Variants in NPAS3 observed in about 807,000 individuals in gnomAD.
NPAS3 encodes the protein neuronal PAS domain-containing protein 3.
NPAS3 carries 14 observed loss-of-function variants against 73.1 expected under a neutral mutation model. That is an observed-to-expected ratio of 0.19 (90% CI 0.13 to 0.30). The LOEUF (loss-of-function observed/expected upper bound fraction) is 0.30, where lower values mean the gene tolerates loss of function less well. Ranked by LOEUF, NPAS3 falls within the 10% of genes least tolerant of loss-of-function variation. NPAS3 has a pLI of 1.00. For missense variants in NPAS3, 1,096 were observed against 1,250.0 expected (o/e 0.88, Z 1.86); for synonymous variants, 620 against 541.5 (o/e 1.14, Z -2.01).
intron 2 of NPAS3, among the ~76,000 whole-genome samples, chr14:33,171,815 C>T (rs1000682584): frequency 5.3e-5 from 8 of 152,148 alleles, no homozygotes; most frequent in South Asian, 2.1e-4. Flanking sequence ...TCTTGCTTTT[C>T]GACGTGCCTT....
At chr14:33,298,308 A>C (rs1014881026) in intron 3 of NPAS3, among the ~76,000 whole-genome samples, 2 of 152,160 alleles carry the variant, frequency 1.3e-5, no homozygotes, top group African/African-American at 4.8e-5. Context: ...TTTTTGAGGC[A>C]CTTCCTGCAG....
intron 9 of NPAS3, among the ~76,000 whole-genome samples, chr14:33,791,955 A>T (rs1246519104): frequency 6.6e-6 from 1 of 152,116 alleles, no homozygotes; most frequent in Non-Finnish European, 1.5e-5. Flanking sequence ...ACCCCCAACC[A>T]CTGATTGGGG....
intron 2 of NPAS3, among the ~76,000 whole-genome samples, chr14:33,153,013 T>C (rs2044512371): frequency 6.6e-6 from 1 of 152,206 alleles, no homozygotes; most frequent in South Asian, 2.1e-4. Flanking sequence ...CTCAGATTTT[T>C]ACTCTCTTAG....
intron 4 of NPAS3, among the ~76,000 whole-genome samples, chr14:33,513,276 CAT>C (rs1020531704): frequency 3.9e-5 from 6 of 151,966 alleles, no homozygotes; most frequent in African/African-American, 1.4e-4. Flanking sequence ...TTCTAATGAA[CAT>C]ATATATTCTA....
chr14:33,519,192 G>A (rs780046065), intron 4 of NPAS3, among the ~76,000 whole-genome samples: 4 of 152,008 alleles, frequency 2.6e-5, no homozygotes, highest in Non-Finnish European at 1.5e-5. Context: ...CTGTTTCGCT[G>A]GCATCCTTTG....
chr14:33,679,552 A>T (rs992298832), intron 6 of NPAS3, among the ~76,000 whole-genome samples: 7 of 152,206 alleles, frequency 4.6e-5, no homozygotes, highest in African/African-American at 1.7e-4. Flanking sequence ...TAAAACACAG[A>T]TTCTTTTTTA....
chr14:33,705,034 T>C (rs1175199943), intron 6 of NPAS3, among the ~76,000 whole-genome samples: 6 of 152,214 alleles, frequency 3.9e-5, no homozygotes, highest in African/African-American at 1.4e-4. Flanking sequence ...CTTAAGGATT[T>C]ATTGCATCTC....
At chr14:33,740,825 G>T (rs144708818) in intron 7 of NPAS3, among the ~76,000 whole-genome samples, 1 of 151,858 alleles carries the variant, frequency 6.6e-6, no homozygotes, top group African/African-American at 2.4e-5. Flanking sequence ...AATATCTTTC[G>T]ATAATTTTTT....
intron 2 of NPAS3, among the ~76,000 whole-genome samples, chr14:33,202,453 G>A (rs975378847): frequency 7.2e-5 from 11 of 152,102 alleles, no homozygotes; most frequent in Middle Eastern, 3.4e-3. Flanking sequence ...TGTTACATAA[G>A]TAGACTTGGT....
intron 10 of NPAS3, among the ~76,000 whole-genome samples, chr14:33,796,801 G>A (rs1319901931): frequency 6.6e-6 from 1 of 152,168 alleles, no homozygotes; most frequent in African/African-American, 2.4e-5. Flanking sequence ...GATCCCTTCT[G>A]TTAGGGCCTC....
chr14:32,969,767 A>ATGAT (rs1172001476), intron 1 of NPAS3, among the ~76,000 whole-genome samples: 3 of 152,164 alleles, frequency 2.0e-5, no homozygotes, highest in Non-Finnish European at 4.4e-5. Flanking sequence ...TGGAAAGTAA[A>ATGAT]TGATAGGTCG....
intron 3 of NPAS3, among the ~76,000 whole-genome samples, chr14:33,280,568 G>C (rs547831218): frequency 1.3e-5 from 2 of 152,096 alleles, no homozygotes; most frequent in Non-Finnish European, 2.9e-5. Flanking sequence ...AATAGTAAAG[G>C]CTGCTTTACT....
intron 8 of NPAS3, among the ~76,000 whole-genome samples, chr14:33,775,283 C>A (rs2062777104): frequency 6.6e-6 from 1 of 152,144 alleles, no homozygotes; most frequent in Admixed American, 6.5e-5. Context: ...AGAGGAGCCG[C>A]CCACATACCA....
chr14:33,318,805 C>A (rs1180197429), intron 3 of NPAS3, among the ~76,000 whole-genome samples: 1 of 152,100 alleles, frequency 6.6e-6, no homozygotes, highest in Non-Finnish European at 1.5e-5. Flanking sequence ...CAAGTTACAA[C>A]TTAAATCTTC....
intron 9 of NPAS3, among the ~76,000 whole-genome samples, chr14:33,779,622 C>T (rs1206828606): frequency 6.6e-6 from 1 of 152,208 alleles, no homozygotes; most frequent in African/African-American, 2.4e-5. Context: ...CAAATACTTA[C>T]CACTGTGTTA....
intron 2 of NPAS3, among the ~76,000 whole-genome samples, chr14:33,057,214 C>T (rs1259881463): frequency 6.6e-6 from 1 of 152,170 alleles, no homozygotes; most frequent in Non-Finnish European, 1.5e-5. Context: ...ATGTAGTTAT[C>T]TCTGGCTTTA....
At chr14:33,022,622 G>GCCA (rs1488317980) in intron 1 of NPAS3, among the ~76,000 whole-genome samples, 2 of 139,824 alleles carry the variant, frequency 1.4e-5, no homozygotes, top group Non-Finnish European at 3.0e-5. Flanking sequence ...CCGAGATCGC[G>GCCA]CCACCGCACT....
chr14:33,401,414 G>C (rs973334248), intron 4 of NPAS3, among the ~76,000 whole-genome samples: 19 of 152,208 alleles, frequency 1.2e-4, no homozygotes, highest in Middle Eastern at 3.4e-3. Context: ...TTGGCGTAGG[G>C]AAGTGTTAAA....
intron 3 of NPAS3, among the ~76,000 whole-genome samples, chr14:33,358,452 T>C (rs998500952): frequency 6.6e-6 from 1 of 152,116 alleles, no homozygotes; most frequent in African/African-American, 2.4e-5. Flanking sequence ...TGTAGCTACG[T>C]TAACATGCTT....
Sources: gnomAD v4.1 joint callset for allele counts (sites outside exome capture counted in the v4.1 genomes callset) on GRCh38, gnomAD v4.1.1 for gene constraint, MANE v1.5 for transcripts, NCBI Gene and HGNC (gene_info 2026-07-23, HGNC 2026-07-21) for gene names.